FYTTD1: variants seen among roughly 807,000 people sequenced by gnomAD.
The protein encoded by FYTTD1 is UAP56-interacting factor.
In FYTTD1, 22 loss-of-function variants were observed where a neutral mutation model predicts 40.9. The ratio of observed to expected loss-of-function variants is 0.54; its 90% confidence interval spans 0.38 to 0.77. The LOEUF is 0.77. Among genes scored for constraint, FYTTD1 ranks in the 30% least tolerant of loss-of-function variants. The pLI is 0.00. For missense variants in FYTTD1, 351 were observed against 392.2 expected (o/e 0.90, Z 0.89); for synonymous variants, 140 against 137.9 (o/e 1.01, Z -0.10).
At chr3:197,767,668 GGTCTTA>G (rs1406618096) in intron 2 of FYTTD1, among the ~76,000 whole-genome samples, 1 of 151,720 alleles carries the variant, frequency 6.6e-6, no homozygotes, top group Non-Finnish European at 1.5e-5. Flanking sequence ...TGCCCAGGCT[GGTCTTA>G]AACTCCTGAG....
intron 1 of FYTTD1, chr3:197,755,789 G>A: frequency 1.3e-6 from 2 of 1,550,870 alleles, no homozygotes; most frequent in Non-Finnish European, 1.7e-6. Flanking sequence ...TGCCTGGCCG[G>A]AAGGGGGTCA....
In FYTTD1 at chr3:197,786,616, T is replaced by C. The variant is rs1730160642; in HGVS notation, c.*4707T>C. On this transcript the variant is annotated 3_prime_UTR_variant, in exon 9 of 9. Coordinates refer to ENST00000241502, the MANE Select transcript of FYTTD1 (RefSeq NM_032288.7). ...TCCCTTTAATGAGAAAAGAATCATA[T>C]TGTCTGAATTTTCCTGTATAAAGTT... The C allele has an allele frequency of 6.6e-6, 1 of 152,222 alleles. No individual in the cohort carries two copies. The highest frequency in any genetic ancestry group is 6.5e-5 in the Admixed American group (1 of 15,280). The allele number at this position is 152,222 out of a possible 1,614,324, so 9.4% of individuals were successfully genotyped here.
intron 3 of FYTTD1, among the ~76,000 whole-genome samples, chr3:197,768,905 G>C (rs1392104162): frequency 4.6e-5 from 7 of 151,774 alleles, no homozygotes; most frequent in Non-Finnish European, 8.8e-5. Flanking sequence ...CAGTTCTCCT[G>C]CCTCAGCCTC....
chr3:197,768,696 G>A, intron 3 of FYTTD1, 109 bp downstream of exon 3: 1 of 830,142 alleles, frequency 1.2e-6, no homozygotes, highest in Non-Finnish European at 1.7e-6. Flanking sequence ...GTAGTACTTT[G>A]GGACTGATAT....
chr3:197,751,610 C>T (rs1275561820), intron 1 of FYTTD1, among the ~76,000 whole-genome samples: 3 of 152,016 alleles, frequency 2.0e-5, no homozygotes, highest in East Asian at 1.9e-4. Context: ...CCAGCCTGGG[C>T]GGCAGAGCGA....
intron 2 of FYTTD1, among the ~76,000 whole-genome samples, chr3:197,764,842 T>C (rs1729494891): frequency 6.6e-6 from 1 of 151,258 alleles, no homozygotes; most frequent in African/African-American, 2.4e-5. Context: ...TGGAGTTCTA[T>C]TCCATACTTT....
chr3:197,759,765 T>C (rs1729318741), intron 2 of FYTTD1, among the ~76,000 whole-genome samples: 1 of 152,022 alleles, frequency 6.6e-6, no homozygotes, highest in Non-Finnish European at 1.5e-5. Flanking sequence ...TATAGAGTTG[T>C]TCTTCAGTGG....
intron 1 of FYTTD1, among the ~76,000 whole-genome samples, chr3:197,752,657 T>A (rs1729096918): frequency 6.6e-6 from 1 of 152,120 alleles, no homozygotes. Context: ...TATATATATG[T>A]GTATGTATAT....
intron 4 of FYTTD1, among the ~76,000 whole-genome samples, chr3:197,771,551 C>T (rs899492182): frequency 2.9e-4 from 44 of 151,236 alleles, no homozygotes; most frequent in African/African-American, 9.9e-4. Context: ...CCGAGGCGGG[C>T]GGATCACGAG....
At chr3:197,765,719 G>T (rs563076221) in intron 2 of FYTTD1, among the ~76,000 whole-genome samples, 1 of 151,586 alleles carries the variant, frequency 6.6e-6, no homozygotes, top group Non-Finnish European at 1.5e-5. Flanking sequence ...AAAATAGTCC[G>T]GGCGCAGTGG....
intron 8 of FYTTD1, among the ~76,000 whole-genome samples, chr3:197,779,043 C>T (rs956830689): frequency 1.3e-4 from 20 of 152,180 alleles, no homozygotes; most frequent in African/African-American, 4.8e-4. Flanking sequence ...TTCTCTACAT[C>T]CTCACCAACA....
At chr3:197,775,370 A>G (rs1476044103) in intron 6 of FYTTD1, among the ~76,000 whole-genome samples, 2 of 152,206 alleles carry the variant, frequency 1.3e-5, no homozygotes, top group Non-Finnish European at 2.9e-5. Context: ...AAAATAAAAT[A>G]TATACACTTG....
intron 4 of FYTTD1, among the ~76,000 whole-genome samples, chr3:197,773,112 C>G (rs763137926): frequency 6.6e-6 from 1 of 152,042 alleles, no homozygotes; most frequent in Non-Finnish European, 1.5e-5. Context: ...GGAAATAGCA[C>G]TAAAAATGTG....
intron 8 of FYTTD1, among the ~76,000 whole-genome samples, chr3:197,781,312 T>TA (rs879641781): frequency 3.3e-3 from 451 of 134,996 alleles, no homozygotes; most frequent in Admixed American, 4.2e-3. Context: ...ACTGTCTCAA[T>TA]AAAAAAAAAA....
chr3:197,786,939 C>T lies in FYTTD1; in HGVS notation c.*5030C>T, dbSNP rs943545787. On this transcript the variant is annotated 3_prime_UTR_variant, in exon 9 of 9. Coordinates refer to ENST00000241502, the MANE Select transcript of FYTTD1 (RefSeq NM_032288.7). ...TCAGCCTCGTAAGTAGGTGGGATTA[C>T]AAGCTTGAGCCACCACAGCCAACTA... 2.6e-5 allele frequency: 4 copies of T among 151,766 alleles called. No homozygotes were observed. The highest frequency in any genetic ancestry group is 9.7e-5 in the African/African-American group (4 of 41,258). The allele number at this position is 151,766 out of a possible 1,614,324, so 9.4% of individuals were successfully genotyped here. A position where few individuals can be genotyped will look rare whatever the true frequency, so the allele number is the denominator to read the frequency against.
At position 197,782,858 on chromosome 3, in the gene FYTTD1, A is replaced by G. The variant is rs1231961433; in HGVS notation, c.*949A>G. On this transcript the variant is annotated 3_prime_UTR_variant, in exon 9 of 9. Transcript: ENST00000241502. ...TTGATAGTAAAATTAATAGCCATAA[A>G]GTCCTAGACTTCTTATTTGAAGTTA... 6.6e-6 allele frequency: 1 copy of G among 152,614 alleles called. No homozygotes were observed. The highest frequency in any genetic ancestry group is 2.4e-5 in the African/African-American group (1 of 41,460). The allele number at this position is 152,614 out of a possible 1,614,324, so 9.5% of individuals were successfully genotyped here.
chr3:197,751,234 T>G (rs968507740), intron 1 of FYTTD1, among the ~76,000 whole-genome samples: 1 of 152,232 alleles, frequency 6.6e-6, no homozygotes, highest in African/African-American at 2.4e-5. Context: ...AACTATTGAT[T>G]TCTACGATTG....
At chr3:197,780,370 C>T (rs576596020) in intron 8 of FYTTD1, among the ~76,000 whole-genome samples, 13 of 152,294 alleles carry the variant, frequency 8.5e-5, no homozygotes, top group African/African-American at 3.1e-4. Flanking sequence ...ATTTCATTCT[C>T]CTAATTCCTT....
rs1324383196 is a variant in FYTTD1, at chr3:197,786,676, G to A, written c.*4767G>A. 3 of 152,176 alleles carry A rather than the reference G, an allele frequency of 2.0e-5. No homozygotes were observed. The highest frequency in any genetic ancestry group is 4.4e-5 in the Non-Finnish European group (3 of 68,040). 9.4% of individuals were successfully genotyped at this position (152,176 alleles called of 1,614,324 possible). On this transcript the variant is annotated 3_prime_UTR_variant, in exon 9 of 9. Transcript: ENST00000241502. ...TAATTATTAGGACTTGTTTTTAAAG[G>A]AGTAAGCAATGGAAGGATCAAACAT...
Sources: gnomAD v4.1 joint callset for allele counts (sites outside exome capture counted in the v4.1 genomes callset) on GRCh38, gnomAD v4.1.1 for gene constraint, MANE v1.5 for transcripts, NCBI Gene and HGNC (gene_info 2026-07-23, HGNC 2026-07-21) for gene names.